The following SNX17 variants were observed in gnomAD, a reference collection of about 807,000 sequenced individuals.
SNX17 encodes the protein sorting nexin 17.
A neutral mutation model predicts 64.3 loss-of-function variants in SNX17; 35 were observed. The ratio of observed to expected loss-of-function variants is 0.54; its 90% confidence interval spans 0.42 to 0.72. The LOEUF (loss-of-function observed/expected upper bound fraction) is 0.72, where lower values mean the gene tolerates loss of function less well. SNX17 is among the 30% of genes least tolerant of loss of function. The pLI, the probability that SNX17 is intolerant of heterozygous loss-of-function variation, is 0.00. For missense variants in SNX17, 538 were observed against 610.0 expected (o/e 0.88, Z 1.24); for synonymous variants, 259 against 230.2 (o/e 1.13, Z -1.13).
In SNX17 at chr2:27,376,588, A is replaced by C. The variant is rs776592975; in HGVS notation, c.1300-18A>C. 1 of 1,614,106 alleles carries C rather than the reference A, an allele frequency of 6.2e-7. No individual in the cohort carries two copies. Among genetic ancestry groups the C allele is most frequent in the Non-Finnish European group, 8.5e-7 (1 of 1,179,992 alleles). The stretch of plus-strand genomic sequence containing the variant: ...TTGCACGCCCAAGATCTCTGACCCC[A>C]CCCTGCCTTTGTTACAGAGTAAGCT... On this transcript the variant is annotated intron_variant, in intron 14 of 14. Transcript: ENST00000233575.
At position 27,376,865 on chromosome 2, in the gene SNX17, C is replaced by A. The variant is rs1683301421; in HGVS notation, c.*146C>A. ...TTTCTCTTGGCCAGGGGCCTCGTATCCTACCTTTCCTTGTCCCCTGGGCTG... is the reference window on the plus strand; with the variant it reads ...TTTCTCTTGGCCAGGGGCCTCGTATACTACCTTTCCTTGTCCCCTGGGCTG... On this transcript the variant is annotated 3_prime_UTR_variant, in exon 15 of 15. Transcript: ENST00000233575. 2 of 657,134 alleles carry A rather than the reference C, an allele frequency of 3.0e-6. No individual in the cohort carries two copies. Among genetic ancestry groups the A allele is most frequent in the Non-Finnish European group, 5.3e-6 (2 of 380,478 alleles). The allele number at this position is 657,134 out of a possible 1,614,324, so 40.7% of individuals were successfully genotyped here. A position where few individuals can be genotyped will look rare whatever the true frequency, so the allele number is the denominator to read the frequency against.
chr2:27,376,006 C>G, intron 11 of SNX17, 35 bp downstream of exon 11: 1 of 1,613,824 alleles, frequency 6.2e-7, no homozygotes. Flanking sequence ...TCTGGAGCAC[C>G]TTAAAGTGTA....
At chr2:27,374,857 G>T in intron 8 of SNX17, 99 bp downstream of exon 8, 1 of 1,214,098 alleles carries the variant, frequency 8.2e-7, no homozygotes, top group Non-Finnish European at 1.2e-6. Flanking sequence ...CCCAATTTGT[G>T]GGGAAGTTCC....
At position 27,375,217 on chromosome 2, in the gene SNX17, C is replaced by A; in HGVS notation, c.774+64C>A. 3 of 1,443,960 alleles carry A rather than the reference C, an allele frequency of 2.1e-6. No homozygotes were observed. Among genetic ancestry groups the A allele is most frequent in the Non-Finnish European group, 2.9e-6 (3 of 1,034,242 alleles). The allele number at this position is 1,443,960 out of a possible 1,614,324, so 89.4% of individuals were successfully genotyped here. ...GCAGTGGCGCGATCTTGGCTCACTG[C>A]AAGCTCTGCCTCTCAGATTCATGCC... On this transcript the variant is annotated intron_variant, in intron 9 of 14. Transcript: ENST00000233575. This position sits in a 1 kb window ranked among gnomAD's most constrained non-coding sequence, Gnocchi z 4.1.
In SNX17 at chr2:27,374,354, A is replaced by C. The variant is rs1009489586; in HGVS notation, c.532A>C (p.Lys178Gln). The C allele has an allele frequency of 3.8e-5, 62 of 1,611,608 alleles. No homozygotes were observed. Among genetic ancestry groups the C allele is most frequent in the Non-Finnish European group, 5.1e-5 (60 of 1,179,342 alleles). Reference sequence around the variant, plus strand: ...TTTTTTTTAACCTGTAGTTGTACGGAAGTTGCAAGAGTTTGAGCTGCCTTA... The same window carrying C: ...TTTTTTTTAACCTGTAGTTGTACGGCAGTTGCAAGAGTTTGAGCTGCCTTA... ...KEDGAFSFVR[K>Q]LQEFELPYVS... Residue 178 changes from lysine to glutamine, a missense_variant, in exon 7 of 15, where the codon AAG (lysine) becomes CAG (glutamine). Lys to Gln is a moderately conservative substitution (Grantham distance 53). Around this residue, in one of 3 missense-constraint regions of SNX17, gnomAD observed 505 missense variants for 550.4 expected, o/e 0.92. Coordinates refer to ENST00000233575, the MANE Select transcript of SNX17 (RefSeq NM_014748.4).
chr2:27,375,052 C>T lies in SNX17; in HGVS notation c.682-9C>T, dbSNP rs1159157586. 1 of 1,613,432 alleles carries T rather than the reference C, an allele frequency of 6.2e-7. No individual in the cohort carries two copies. The highest frequency in any genetic ancestry group is 1.7e-5 in the Admixed American group (1 of 60,016). On this transcript the variant is annotated splice_polypyrimidine_tract_variant and intron_variant, in intron 8 of 14. Coordinates refer to ENST00000233575, the MANE Select transcript of SNX17 (RefSeq NM_014748.4). This position sits in a 1 kb window ranked among gnomAD's most constrained non-coding sequence, Gnocchi z 4.1. ...ACCTCCTACTGCCTGCCCCTTGTCT[C>T]TACTATAGACGGTATCAGATATTGA... is the stretch of plus-strand genomic sequence containing the variant.
In SNX17 at chr2:27,374,193, T is replaced by G; in HGVS notation, c.523+18T>G. On this transcript the variant is annotated intron_variant, in intron 6 of 14. Transcript: ENST00000233575. ...CTTTTCTTGTGAGTTTCTCTGGACT[T>G]GACTGCAGTACAAGGGTACTTCAGT... 6.2e-7 allele frequency: 1 copy of G among 1,609,488 alleles called. No individual in the cohort carries two copies. Among genetic ancestry groups the G allele is most frequent in the Non-Finnish European group, 8.5e-7 (1 of 1,176,238 alleles).
In SNX17 at chr2:27,377,467, G is replaced by A; in HGVS notation, c.*748G>A. ...CCTTATAGTGCCTACGTTAGTCTGT[G>A]TGGAGCCCCTGGCCAGCGGGGGAGA... On this transcript the variant is annotated 3_prime_UTR_variant, in exon 15 of 15. Coordinates refer to ENST00000233575, the MANE Select transcript of SNX17 (RefSeq NM_014748.4). This position sits in a 1 kb window ranked among gnomAD's most constrained non-coding sequence, Gnocchi z 4.4. 2.0e-6 allele frequency: 3 copies of A among 1,499,002 alleles called. No individual in the cohort carries two copies. The highest frequency in any genetic ancestry group is 2.8e-6 in the Non-Finnish European group (3 of 1,083,410). 92.9% of individuals were successfully genotyped at this position (1,499,002 alleles called of 1,614,324 possible).
intron 1 of SNX17, 62 bp downstream of exon 1, chr2:27,370,868 C>G: frequency 5.3e-6 from 8 of 1,507,732 alleles, no homozygotes; most frequent in South Asian, 1.2e-5. Context: ...CCCGAGCCAT[C>G]TCGGAGCGGC....
chr2:27,373,057 A>G (rs747779751), intron 3 of SNX17, 190 bp from the exon 4 acceptor site: 23 of 1,549,728 alleles, frequency 1.5e-5, no homozygotes, highest in Non-Finnish European at 1.8e-5. Context: ...GACTGGACTC[A>G]CCTAGATGGC....
At chr2:27,376,036 T>C in intron 11 of SNX17, 65 bp downstream of exon 11, 1 of 1,613,858 alleles carries the variant, frequency 6.2e-7, no homozygotes, top group Non-Finnish European at 8.5e-7. Context: ...GTACTCAATA[T>C]GGGAGGCATT....
chr2:27,377,090 C>A lies in SNX17; in HGVS notation c.*371C>A. On this transcript the variant is annotated 3_prime_UTR_variant, in exon 15 of 15. Transcript: ENST00000233575. This position sits in a 1 kb window ranked among gnomAD's most constrained non-coding sequence, Gnocchi z 4.4. ...GGCAGAGGTCTGTGTTTGGTCTGGC[C>A]CAGTTCCCCATCATTAAACTCAGCC... The A allele has an allele frequency of 2.5e-6, 1 of 407,048 alleles. No homozygotes were observed. The highest frequency in any genetic ancestry group is 4.6e-6 in the Non-Finnish European group (1 of 217,236). 25.2% of individuals were successfully genotyped at this position (407,048 alleles called of 1,614,324 possible).
Position 27,376,313 on chromosome 2 carries a change from ATGC to A in SNX17, c.1187_1189del (p.Leu396del). On this transcript the variant is annotated inframe_deletion and splice_region_variant, in exon 13 of 15. Transcript: ENST00000233575. ...ACCGGCACCTTGTGTCTGTCCCCAG[ATGC>A]TGCGCCGGCGGGTGGGGGGTACTCT... 6.2e-7 allele frequency: 1 copy of A among 1,612,166 alleles called. No individual in the cohort carries two copies. Among genetic ancestry groups the A allele is most frequent in the Non-Finnish European group, 8.5e-7 (1 of 1,178,648 alleles).
chr2:27,375,833 C>T lies in SNX17; in HGVS notation c.979-13C>T, dbSNP rs770261178. 3 of 1,613,260 alleles carry T rather than the reference C, an allele frequency of 1.9e-6. No homozygotes were observed. Among genetic ancestry groups the T allele is most frequent in the African/African-American group, 1.3e-5 (1 of 74,942 alleles). ...TCAGAGTGAACTCAACCGAATTCCC[C>T]TTCCTCTCCCAGGTACCATTGCCCA... On this transcript the variant is annotated splice_polypyrimidine_tract_variant and intron_variant, in intron 10 of 14. Coordinates refer to ENST00000233575, the MANE Select transcript of SNX17 (RefSeq NM_014748.4). This position sits in a 1 kb window ranked among gnomAD's most constrained non-coding sequence, Gnocchi z 4.1.
rs971620829 is a variant in SNX17, at chr2:27,374,498, A to G, written c.611+65A>G. 2.8e-6 allele frequency: 4 copies of G among 1,454,020 alleles called. No homozygotes were observed. In the East Asian group the frequency reaches 6.8e-5, roughly 25 times the overall value. 90.1% of individuals were successfully genotyped at this position (1,454,020 alleles called of 1,614,324 possible). On this transcript the variant is annotated intron_variant, in intron 7 of 14. Coordinates refer to ENST00000233575, the MANE Select transcript of SNX17 (RefSeq NM_014748.4). ...GTGCTGGATTGGATTATTGGGCCAC[A>G]TATTGAGACAGAATAATCTGGACAA...
chr2:27,374,460 G>A, intron 7 of SNX17, 27 bp downstream of exon 7: 1 of 1,580,534 alleles, frequency 6.3e-7, no homozygotes, highest in Non-Finnish European at 8.7e-7. Flanking sequence ...GAAGGGGAGG[G>A]GTGGGAGGTG....
At position 27,375,161 on chromosome 2, in the gene SNX17, C is replaced by T; in HGVS notation, c.774+8C>T. The T allele has an allele frequency of 6.2e-7, 1 of 1,611,756 alleles. No individual in the cohort carries two copies. Among genetic ancestry groups the T allele is most frequent in the Non-Finnish European group, 8.5e-7 (1 of 1,177,854 alleles). On this transcript the variant is annotated splice_region_variant and intron_variant, in intron 9 of 14. Coordinates refer to ENST00000233575, the MANE Select transcript of SNX17 (RefSeq NM_014748.4). This position sits in a 1 kb window ranked among gnomAD's most constrained non-coding sequence, Gnocchi z 4.1. ...AAAGTCTCCAAGAAGGAGGTGAGCCCTGCCTCCTCTCTGTCTTCCTCTAAG... is the reference window on the plus strand; with the variant it reads ...AAAGTCTCCAAGAAGGAGGTGAGCCTTGCCTCCTCTCTGTCTTCCTCTAAG...
chr2:27,373,098 GCAAA>G (rs1472365749), intron 3 of SNX17, 145 bp from the exon 4 acceptor site: 5 of 1,566,414 alleles, frequency 3.2e-6, no homozygotes, highest in Admixed American at 1.9e-5. Flanking sequence ...AAGAATTTAT[GCAAA>G]CAGTGAGTGA....
At position 27,376,111 on chromosome 2, in the gene SNX17, C is replaced by T. The variant is rs374678291; in HGVS notation, c.1110C>T (p.Ile370=). Residue 370 remains isoleucine, a synonymous_variant, in exon 12 of 15, where the codon ATC becomes ATT. Coordinates refer to ENST00000233575, the MANE Select transcript of SNX17 (RefSeq NM_014748.4). ...QWVTITSPQA[I]MMSICLQSMV... ...GACACTCTTCTTGCCCTCAGGCTAT[C>T]ATGATGAGCATCTGCTTGCAGTCCA... 2.2e-5 allele frequency: 36 copies of T among 1,614,020 alleles called. No homozygotes were observed. Among genetic ancestry groups the T allele is most frequent in the East Asian group, 1.3e-4 (6 of 44,880 alleles).
Sources: allele counts gnomAD v4.1 joint callset, GRCh38; gene constraint gnomAD v4.1.1; regional missense constraint gnomAD v4.1.1; non-coding constraint Gnocchi (gnomAD v3.1); transcripts MANE v1.5; gene names NCBI Gene and HGNC (gene_info 2026-07-23, HGNC 2026-07-21).